The following KLRC2 variants were observed in gnomAD, a reference collection of about 807,000 sequenced individuals.
The protein encoded by KLRC2 is killer cell lectin like receptor C2.
KLRC2 carries 10 observed loss-of-function variants against 25.5 expected under a neutral mutation model. That is an observed-to-expected ratio of 0.39 (90% CI 0.24 to 0.67). KLRC2 has a LOEUF of 0.67. Among genes scored for constraint, KLRC2 ranks in the 30% least tolerant of loss-of-function variants. KLRC2 has a pLI of 0.45. For synonymous variants in KLRC2, 48 were observed against 93.3 expected, an observed-to-expected ratio of 0.51 and a Z score of 2.80; for missense variants, 170 against 272.8, an observed-to-expected ratio of 0.62 and a Z score of 2.65.
Position 10,433,736 on chromosome 12 carries a change from G to A in KLRC2, c.483+55C>T. The stretch of plus-strand genomic sequence containing the variant: ...ACACATATGGATGTTTTCTACAAAT[G>A]TATTATTCACTGAAGGAAGCTTTTC... On this transcript the variant is annotated intron_variant, in intron 4 of 5. Transcript: ENST00000381902. 8.8e-6 allele frequency: 13 copies of A among 1,476,266 alleles called. 2 individuals carry two copies. The highest frequency in any genetic ancestry group is 1.1e-5 in the Non-Finnish European group (12 of 1,074,006). 91.4% of individuals were successfully genotyped at this position (1,476,266 alleles called of 1,614,324 possible).
chr12:10,431,947 T>C lies in KLRC2; in HGVS notation c.584+159A>G, dbSNP rs1344899480. Among the ~76,000 whole-genome samples the C allele has an allele frequency of 2.1e-5, 3 of 141,502 alleles. 1 individual carries two copies. In the East Asian group the frequency reaches 6.3e-4, roughly 30 times the overall value. 92.8% of individuals were successfully genotyped at this position (141,502 alleles called of 152,430 possible). On this transcript the variant is annotated intron_variant, in intron 5 of 5. Transcript: ENST00000381902. ...CAGACCAATGAGCGGTTGAAATATA[T>C]GGACTACTATGGTCTATTGTAAAAT...
At position 10,435,826 on chromosome 12, in the gene KLRC2, C is replaced by T; in HGVS notation, c.161G>A (p.Gly54Glu). The change falls in exon 1 of 6, where the codon GGG (glycine) becomes GAG (glutamate). Residue 54 changes from glycine (G) to glutamate (E), a missense_variant. By Grantham distance (98) the Gly-to-Glu change is moderately conservative. This residue lies in a region of KLRC2 where 37 missense variants were observed against 68.0 expected (regional missense o/e 0.54). Coordinates refer to ENST00000381902, the MANE Select transcript of KLRC2 (RefSeq NM_002260.4). ...TTGGCAGTCATATATTTTATCAATC[C>T]CTTGATGATTCAGGGAAGGATTTTG... ...NLQNPSLNHQ[G>E]IDKIYDCQGL... 1 of 1,548,504 alleles carries T rather than the reference C, an allele frequency of 6.5e-7. No homozygotes were observed. The highest frequency in any genetic ancestry group is 8.8e-7 in the Non-Finnish European group (1 of 1,134,798).
rs1463958850 is a variant in KLRC2 at position 10,433,867 on chromosome 12, C to G, written c.407G>C (p.Arg136Thr). 6.4e-7 allele frequency: 1 copy of G among 1,550,632 alleles called. No individual in the cohort carries two copies. Among genetic ancestry groups the G allele is most frequent in the Non-Finnish European group, 8.8e-7 (1 of 1,136,272 alleles). The change falls in exon 4 of 6, where the codon AGA becomes ACA. Residue 136 changes from arginine (R) to threonine (T), a missense_variant. This residue lies in a region of KLRC2 where 129 missense variants were observed against 150.2 expected (regional missense o/e 0.86). Transcript: ENST00000381902. ...NSCYYIGKERRTWEESLLACT... is the reference protein window; with the variant it reads ...NSCYYIGKERTTWEESLLACT... ...GGCCAGCAAACTCTCTTCCCAAGTT[C>G]TTCTTTCCTTACCAATGTAATAACA... is the stretch of plus-strand genomic sequence containing the variant.
chr12:10,431,397 T>C, intron 5 of KLRC2, 169 bp from the exon 6 acceptor site: 1 of 799,018 alleles, frequency 1.3e-6, no homozygotes, highest in South Asian at 1.5e-5. Flanking sequence ...TAGTCCCTCT[T>C]CATCCACGAG....
In KLRC2 at chr12:10,433,768, T is replaced by C. The variant is rs753091529; in HGVS notation, c.483+23A>G. On this transcript the variant is annotated intron_variant, in intron 4 of 5. Transcript: ENST00000381902. The stretch of plus-strand genomic sequence containing the variant: ...TCACTGAAGGAAGCTTTTCATAAAA[T>C]GTTTGAAACATTTACATCTTACCAT... 2.7e-5 allele frequency: 41 copies of C among 1,543,112 alleles called. 7 individuals are homozygous for C. The highest frequency in any genetic ancestry group is 3.4e-5 in the Non-Finnish European group (39 of 1,131,122).
Position 10,434,181 on chromosome 12 carries a change from A to G in KLRC2, c.332-239T>C. On this transcript the variant is annotated intron_variant, in intron 3 of 5. Transcript: ENST00000381902. The stretch of plus-strand genomic sequence containing the variant: ...AAATGAACAAACAAAAATACACTCT[A>G]CACATGTGTTGAACATCGCTGATAC... 1.1e-5 allele frequency: 8 copies of G among 704,636 alleles called. 1 individual carries two copies. The highest frequency in any genetic ancestry group is 1.7e-5 in the Non-Finnish European group (7 of 420,662). 43.6% of individuals were successfully genotyped at this position (704,636 alleles called of 1,614,324 possible). A position where few individuals can be genotyped will look rare whatever the true frequency, so the allele number is the denominator to read the frequency against.
intron 4 of KLRC2, among the ~76,000 whole-genome samples, chr12:10,432,484 C>T (rs10845128): frequency 0.57 from 53,691 of 94,220 alleles, 20,528 homozygotes; most frequent in Non-Finnish European, 0.77. Flanking sequence ...TGCATTCATT[C>T]CTCCAGATAC....
At chr12:10,431,752 G>T (rs1465856586) in intron 5 of KLRC2, among the ~76,000 whole-genome samples, 1 of 129,704 alleles carries the variant, frequency 7.7e-6, no homozygotes, top group Non-Finnish European at 1.7e-5. Context: ...ACACAAATAC[G>T]TAAACTTTCT....
chr12:10,434,684 A>T (rs1863851651), intron 2 of KLRC2, among the ~76,000 whole-genome samples, 154 bp from the exon 3 acceptor site: 1 of 129,956 alleles, frequency 7.7e-6, no homozygotes, highest in Non-Finnish European at 1.5e-5. Context: ...ATAAAGTAAT[A>T]GACCTTTGAA....
At chr12:10,431,401 C>T in intron 5 of KLRC2, 173 bp from the exon 6 acceptor site, 1 of 764,174 alleles carries the variant, frequency 1.3e-6, no homozygotes, top group Admixed American at 2.3e-5. Flanking sequence ...CCCTCTTCAT[C>T]CACGAGGGAT....
At chr12:10,435,053 A>G (rs754531890) in intron 2 of KLRC2, 20 of 1,098,936 alleles carry the variant, frequency 1.8e-5, no homozygotes, top group Admixed American at 2.9e-5. Flanking sequence ...TAACAGAAAA[A>G]TTAAAATGAT....
Position 10,431,226 on chromosome 12 carries a change from A to C in KLRC2, c.587T>G (p.Ile196Arg). The C allele has an allele frequency of 1.3e-6, 2 of 1,540,594 alleles. No homozygotes were observed. Among genetic ancestry groups the C allele is most frequent in the South Asian group, 2.3e-5 (2 of 88,878 alleles). The change falls in exon 6 of 6, where the codon ATA (isoleucine) becomes AGA (arginine). Residue 196 changes from isoleucine (I) to arginine (R), a missense_variant and splice_region_variant. This residue lies in a region of KLRC2 where 129 missense variants were observed against 150.2 expected (regional missense o/e 0.86). Coordinates refer to ENST00000381902, the MANE Select transcript of KLRC2 (RefSeq NM_002260.4). ...AAGTTCAGCATTATCTGAGTCTTTTATCCTGTAATGGAGAAAAATCCATTT... is the reference window on the plus strand; with the variant it reads ...AAGTTCAGCATTATCTGAGTCTTTTCTCCTGTAATGGAGAAAAATCCATTT... Reference protein sequence around the residue: ...TINGLAFKHKIKDSDNAELNC... With the variant: ...TINGLAFKHKRKDSDNAELNC...
intron 5 of KLRC2, among the ~76,000 whole-genome samples, chr12:10,431,777 A>AT (rs142647914): frequency 0.025 from 2,995 of 120,886 alleles, 502 homozygotes; most frequent in African/African-American, 0.089. Flanking sequence ...ACATTCTGTG[A>AT]TTTTTTTTTT....
chr12:10,435,967 G>T lies in KLRC2; in HGVS notation c.20C>A (p.Thr7Asn). The T allele has an allele frequency of 6.2e-7, 1 of 1,606,744 alleles. No homozygotes were observed. Among genetic ancestry groups the T allele is most frequent in the Non-Finnish European group, 8.5e-7 (1 of 1,176,640 alleles). Reference protein sequence around the residue: MNKQRGTFSEVSLAQDP... With the variant: MNKQRGNFSEVSLAQDP... The stretch of plus-strand genomic sequence containing the variant: ...CTGGGCCAGACTCACTTCTGAGAAG[G>T]TTCCTCTTTGTTTATTCATCTCTGC... Residue 7 changes from threonine (T) to asparagine (N), a missense_variant, in exon 1 of 6, where the codon ACC becomes AAC. By Grantham distance (65) the Thr-to-Asn change is moderately conservative. Coordinates refer to ENST00000381902, the MANE Select transcript of KLRC2 (RefSeq NM_002260.4).
In KLRC2 at chr12:10,431,303, C is replaced by T. The variant is rs756790297; in HGVS notation, c.585-75G>A. 1.6e-5 allele frequency: 23 copies of T among 1,478,228 alleles called. 1 individual carries two copies. Among genetic ancestry groups the T allele is most frequent in the Non-Finnish European group, 1.9e-5 (21 of 1,078,650 alleles). 91.6% of individuals were successfully genotyped at this position (1,478,228 alleles called of 1,614,324 possible). A position where few individuals can be genotyped will look rare whatever the true frequency, so the allele number is the denominator to read the frequency against. On this transcript the variant is annotated intron_variant, in intron 5 of 5. Transcript: ENST00000381902. ...ATGAGACGAAAGCATTTTCCATGTA[C>T]TGTAAGAAAAGAATTTCATGGAAAA...
In KLRC2 at chr12:10,431,102, G is replaced by A. The variant is rs1013693124; in HGVS notation, c.*15C>T. On this transcript the variant is annotated 3_prime_UTR_variant, in exon 6 of 6. Coordinates refer to ENST00000381902, the MANE Select transcript of KLRC2 (RefSeq NM_002260.4). ...AAAATGTATCTGATGCACTGCAAAC[G>A]CAAATGCTTTACTTCTAAAGCTTAT... 16 of 1,444,578 alleles carry A rather than the reference G, an allele frequency of 1.1e-5. 3 individuals are homozygous for A. The highest frequency in any genetic ancestry group is 2.4e-5 in the East Asian group (1 of 41,112). The allele number at this position is 1,444,578 out of a possible 1,614,324, so 89.5% of individuals were successfully genotyped here. A position where few individuals can be genotyped will look rare whatever the true frequency, so the allele number is the denominator to read the frequency against.
chr12:10,434,452 T>C (rs1247527009), intron 3 of KLRC2, 34 bp downstream of exon 3: 1 of 1,534,812 alleles, frequency 6.5e-7, no homozygotes, highest in African/African-American at 1.4e-5. Flanking sequence ...ATATAAATTG[T>C]ACTAATATCA....
intron 5 of KLRC2, among the ~76,000 whole-genome samples, chr12:10,431,508 T>G (rs1863814794): frequency 7.0e-6 from 1 of 141,944 alleles, no homozygotes; most frequent in South Asian, 2.2e-4. Flanking sequence ...GTGATAAAGT[T>G]TAATTTATAA....
chr12:10,431,551 T>C (rs1327004926), intron 5 of KLRC2, among the ~76,000 whole-genome samples: 1 of 141,562 alleles, frequency 7.1e-6, no homozygotes, highest in Non-Finnish European at 1.5e-5. Flanking sequence ...CAACAATAAC[T>C]AATAATAAAA....
Sources: allele counts gnomAD v4.1 joint callset (sites outside exome capture counted in the v4.1 genomes callset), GRCh38; gene constraint gnomAD v4.1.1; regional missense constraint gnomAD v4.1.1; transcripts MANE v1.5; gene names NCBI Gene and HGNC (gene_info 2026-07-23, HGNC 2026-07-21).